The following PRKAR1A variants were observed in gnomAD, a reference collection of about 807,000 sequenced individuals.
PRKAR1A encodes cAMP-dependent protein kinase type I-alpha regulatory subunit.
In PRKAR1A, 3 loss-of-function variants were observed where a neutral mutation model predicts 52.0. The ratio of observed to expected loss-of-function variants is 0.06; its 90% CI spans 0.03 to 0.15. The LOEUF (loss-of-function observed/expected upper bound fraction) is 0.15. Ranked by LOEUF, PRKAR1A falls within the 10% of genes least tolerant of loss-of-function variation. The probability of loss-of-function intolerance (pLI) is 1.00; values close to 1 mark genes in which losing one functional copy is unlikely to be tolerated. For synonymous variants in PRKAR1A, 188 were observed against 168.4 expected (o/e 1.12, Z -0.90); for missense variants, 240 against 477.4 (o/e 0.50, Z 4.63).
chr17:68,474,817 G>A, the PRKAR1A span, among the ~76,000 whole-genome samples: 1 of 152,062 alleles, frequency 6.6e-6, no homozygotes, highest in African/African-American at 2.4e-5. Context: ...AGGAGTGGAG[G>A]TTGCAGTGAG....
intron 2 of PRKAR1A, 122 bp downstream of exon 2, chr17:68,515,698 C>A: frequency 8.3e-7 from 1 of 1,211,940 alleles, no homozygotes; most frequent in Non-Finnish European, 1.2e-6. Context: ...AAGTCTAAAA[C>A]AATTTCAAAT....
chr17:68,461,768 G>A, the PRKAR1A span, among the ~76,000 whole-genome samples: 1 of 152,162 alleles, frequency 6.6e-6, no homozygotes, highest in African/African-American at 2.4e-5. This position sits in a 1 kb window ranked among gnomAD's most constrained non-coding sequence, Gnocchi z 4.6. Context: ...GGAGGGAAGG[G>A]CGATGTGTCA....
At chr17:68,425,328 C>T in the PRKAR1A span, among the ~76,000 whole-genome samples, 6 of 151,986 alleles carry the variant, frequency 3.9e-5, no homozygotes, top group South Asian at 4.2e-4. Context: ...CTCAGCGTCC[C>T]GAATAGCTGG....
chr17:68,419,954 G>A, the PRKAR1A span, among the ~76,000 whole-genome samples: 1 of 152,088 alleles, frequency 6.6e-6, no homozygotes, highest in African/African-American at 2.4e-5. Context: ...GCCAGACCCT[G>A]CCTCAAAAAA....
At chr17:68,544,502 T>C (rs964770909) in intron 11 of PRKAR1A, among the ~76,000 whole-genome samples, 9 of 152,112 alleles carry the variant, frequency 5.9e-5, no homozygotes, top group African/African-American at 2.2e-4. Context: ...TCGAATAATT[T>C]TATAATCCAC....
At chr17:68,428,746 C>T in the PRKAR1A span, 1 of 1,080,190 alleles carries the variant, frequency 9.3e-7, no homozygotes, top group Non-Finnish European at 1.4e-6. Context: ...TGCAAGGGCA[C>T]TGAAGCTTGT....
At chr17:68,519,313 C>T in intron 2 of PRKAR1A, among the ~76,000 whole-genome samples, 1 of 152,178 alleles carries the variant, frequency 6.6e-6, no homozygotes, top group African/African-American at 2.4e-5. Flanking sequence ...TTCCTCATGG[C>T]TGGGCAGGCC....
the PRKAR1A span, among the ~76,000 whole-genome samples, chr17:68,438,880 G>A: frequency 6.6e-6 from 1 of 152,222 alleles, no homozygotes; most frequent in African/African-American, 2.4e-5. Flanking sequence ...GATTACAGGC[G>A]TGAGCCATCG....
At position 68,522,796 on chromosome 17, in the gene PRKAR1A, C is replaced by T. The variant is rs769706055; in HGVS notation, c.218C>T (p.Thr73Ile). The change falls in exon 3 of 11, where the codon ACT (threonine) becomes ATT (isoleucine). Residue 73 changes from threonine to isoleucine, a missense_variant. Transcript: ENST00000589228. ...ATTCAGAATCTGCAGAAAGCAGGCA[C>T]TCGTACAGACTCAAGGGAGGATGAG... ...KQIQNLQKAG[T>I]RTDSREDEIS... The T allele has an allele frequency of 3.1e-6, 5 of 1,613,984 alleles. No individual in the cohort carries two copies. In the African/African-American group the frequency reaches 5.3e-5, roughly 17 times the overall value.
chr17:68,463,695 A>C, the PRKAR1A span, among the ~76,000 whole-genome samples: 2 of 152,200 alleles, frequency 1.3e-5, no homozygotes, highest in African/African-American at 4.8e-5. Flanking sequence ...GACCTCAGGA[A>C]GAAAAGGGAG....
chr17:68,535,469 G>A (rs2086073356), downstream of PRKAR1A: 1 of 453,914 alleles, frequency 2.2e-6, no homozygotes. Context: ...ACCATTTTGT[G>A]CTATTCTTTG....
chr17:68,421,706 G>T, the PRKAR1A span: 29 of 1,607,754 alleles, frequency 1.8e-5, no homozygotes, highest in Middle Eastern at 1.6e-3. Flanking sequence ...CCATTCTTCC[G>T]CCTTCCTTGT....
intron 2 of PRKAR1A, among the ~76,000 whole-genome samples, chr17:68,517,187 G>GT (rs2085461080): frequency 6.6e-6 from 1 of 152,142 alleles, no homozygotes; most frequent in Non-Finnish European, 1.5e-5. Flanking sequence ...GTTCAACATG[G>GT]TTTTTGCTGT....
chr17:68,544,057 A>G (rs2086435577), intron 11 of PRKAR1A, among the ~76,000 whole-genome samples: 2 of 152,206 alleles, frequency 1.3e-5, no homozygotes, highest in African/African-American at 4.8e-5. Flanking sequence ...AGGTATAAAC[A>G]GAAGAGAGGG....
the PRKAR1A span, among the ~76,000 whole-genome samples, chr17:68,437,675 C>G: frequency 4.1e-4 from 62 of 152,096 alleles, 1 homozygote; most frequent in African/African-American, 1.4e-3. Context: ...GATGGTGTGC[C>G]TAGACATTGA....
the PRKAR1A span, among the ~76,000 whole-genome samples, chr17:68,429,450 G>A: frequency 1.3e-5 from 2 of 152,262 alleles, no homozygotes; most frequent in East Asian, 3.9e-4. Context: ...ATAAAAATAA[G>A]AATTGTTTTT....
the PRKAR1A span, among the ~76,000 whole-genome samples, chr17:68,499,643 T>A: frequency 2.0e-5 from 3 of 152,236 alleles, no homozygotes; most frequent in Non-Finnish European, 4.4e-5. Flanking sequence ...GCACGTTGGG[T>A]TTCTCAGAAT....
At chr17:68,504,576 A>G in the PRKAR1A span, among the ~76,000 whole-genome samples, 4 of 152,252 alleles carry the variant, frequency 2.6e-5, no homozygotes, top group African/African-American at 9.6e-5. Flanking sequence ...TGTTAAGTGA[A>G]GTAGGCCAAG....
At chr17:68,495,989 CTCTCCTCT>C in the PRKAR1A span, among the ~76,000 whole-genome samples, 1 of 7,952 alleles carries the variant, frequency 1.3e-4, no homozygotes, top group Non-Finnish European at 2.1e-4. Context: ...CTCTCCTCTC[CTCTCCTCT>C]CCTCCCCTCC....
Sources: gnomAD v4.1 joint callset for allele counts (sites outside exome capture counted in the v4.1 genomes callset) on GRCh38, gnomAD v4.1.1 for gene constraint, Gnocchi (gnomAD v3.1) non-coding constraint, MANE v1.5 for transcripts, NCBI Gene and HGNC (gene_info 2026-07-23, HGNC 2026-07-21) for gene names.